GPHN: variants seen among roughly 807,000 people sequenced by gnomAD.
GPHN encodes gephyrin.
A neutral mutation model predicts 95.5 loss-of-function variants in GPHN; 17 were observed. The observed-to-expected ratio is 0.18, with a 90% CI of 0.12 to 0.27. The LOEUF is 0.27. Among genes scored for constraint, GPHN ranks in the 10% least tolerant of loss-of-function variants. The pLI is 1.00. For synonymous variants in GPHN, 320 were observed against 322.5 expected (o/e 0.99, Z 0.08); for missense variants, 660 against 978.1 (o/e 0.67, Z 4.34).
the GPHN span, among the ~76,000 whole-genome samples, chr14:67,402,222 G>A: frequency 2.0e-5 from 3 of 152,140 alleles, no homozygotes; most frequent in Non-Finnish European, 4.4e-5. Context: ...TTCCACTTAA[G>A]GAAGTTTCTG....
the GPHN span, chr14:67,198,141 T>G: frequency 1.3e-5 from 21 of 1,598,400 alleles, no homozygotes; most frequent in Admixed American, 1.1e-4. Flanking sequence ...CTCAGTTTTT[T>G]TATGTTTATG....
the GPHN span, among the ~76,000 whole-genome samples, chr14:67,696,886 T>C: frequency 2.0e-5 from 3 of 152,230 alleles, no homozygotes; most frequent in African/African-American, 4.8e-5. Flanking sequence ...TGAACTAATA[T>C]ATTTTATAGC....
chr14:67,302,860 A>G, the GPHN span, among the ~76,000 whole-genome samples: 1 of 152,200 alleles, frequency 6.6e-6, no homozygotes, highest in Non-Finnish European at 1.5e-5. Flanking sequence ...CCTAATATGC[A>G]CTAGCCACTT....
chr14:66,751,383 C>T (rs1384190060), intron 2 of GPHN, among the ~76,000 whole-genome samples: 1 of 151,970 alleles, frequency 6.6e-6, no homozygotes, highest in African/African-American at 2.4e-5. Context: ...AATAGCCATT[C>T]TGATGGCTAT....
chr14:67,135,224 T>C (rs1051794776), intron 17 of GPHN, among the ~76,000 whole-genome samples: 25 of 152,180 alleles, frequency 1.6e-4, no homozygotes, highest in African/African-American at 5.8e-4. Flanking sequence ...CCTCCCAAAG[T>C]GCTGGGATTA....
chr14:67,102,631 G>A (rs1052115629), intron 13 of GPHN, among the ~76,000 whole-genome samples: 4 of 152,024 alleles, frequency 2.6e-5, no homozygotes, highest in Non-Finnish European at 5.9e-5. Flanking sequence ...CTGCACTCCA[G>A]CCTGGGCAAC....
At chr14:67,351,852 C>T in the GPHN span, among the ~76,000 whole-genome samples, 1 of 143,114 alleles carries the variant, frequency 7.0e-6, no homozygotes, top group East Asian at 2.2e-4. Context: ...AAAGAAAAGG[C>T]GTGGAAAAAA....
the GPHN span, among the ~76,000 whole-genome samples, chr14:67,445,202 G>A: frequency 6.6e-6 from 1 of 152,150 alleles, no homozygotes; most frequent in East Asian, 1.9e-4. Context: ...GCAATTTCTT[G>A]AGTTGTCTTC....
At chr14:67,215,041 G>T in the GPHN span, among the ~76,000 whole-genome samples, 1 of 152,158 alleles carries the variant, frequency 6.6e-6, no homozygotes, top group Non-Finnish European at 1.5e-5. Flanking sequence ...TGCTGAAGTT[G>T]CTTGTCAGCT....
chr14:67,094,124 A>G (rs573270990), intron 12 of GPHN, among the ~76,000 whole-genome samples: 1 of 152,282 alleles, frequency 6.6e-6, no homozygotes, highest in East Asian at 1.9e-4. Context: ...AGAGACTTAA[A>G]GAAAGATCAC....
At chr14:66,529,806 T>C (rs6573683) in intron 1 of GPHN, among the ~76,000 whole-genome samples, 49,847 of 151,996 alleles carry the variant, frequency 0.33, 12,004 homozygotes, top group African/African-American at 0.65. Flanking sequence ...GGCTGCAGAA[T>C]GGTAAAGATT....
chr14:67,448,724 G>A, the GPHN span, among the ~76,000 whole-genome samples: 1 of 152,060 alleles, frequency 6.6e-6, no homozygotes, highest in Admixed American at 6.5e-5. Flanking sequence ...CACGCTCTCA[G>A]CATAGTATTT....
At chr14:67,015,180 T>C (rs1464147405) in intron 9 of GPHN, among the ~76,000 whole-genome samples, 1 of 152,180 alleles carries the variant, frequency 6.6e-6, no homozygotes, top group Non-Finnish European at 1.5e-5. Context: ...ACCAGCTATA[T>C]AACCTGACAC....
chr14:66,975,406 C>T (rs2070143261), intron 9 of GPHN, among the ~76,000 whole-genome samples: 1 of 152,132 alleles, frequency 6.6e-6, no homozygotes, highest in South Asian at 2.1e-4. Flanking sequence ...TTTATGTCTT[C>T]ATGAGTTTAA....
chr14:67,093,480 CA>C (rs1268562349), intron 12 of GPHN, among the ~76,000 whole-genome samples: 2 of 152,004 alleles, frequency 1.3e-5, no homozygotes, highest in African/African-American at 4.8e-5. Flanking sequence ...ATTCATTTGA[CA>C]GCCTATTTTG....
rs796211633 is a variant in GPHN at position 66,750,456 on chromosome 14, C to T, written c.144-26008C>T. On this transcript the variant is annotated intron_variant, in intron 2 of 22. Transcript: ENST00000478722. ...GGAAATAAGGAAAGGACCAGGACAC[C>T]AGTAGTAGCCATGGTCTTAAGGCTC... Among the ~76,000 whole-genome samples the T allele has an allele frequency of 5.9e-5, 9 of 151,944 alleles. 1 individual carries two copies. Among genetic ancestry groups the T allele is most frequent in the African/African-American group, 2.2e-4 (9 of 41,504 alleles).
chr14:67,439,076 C>G, the GPHN span, among the ~76,000 whole-genome samples: 2 of 152,110 alleles, frequency 1.3e-5, no homozygotes, highest in Non-Finnish European at 2.9e-5. Context: ...AGCCAGCACA[C>G]ACACAGACTT....
intron 1 of GPHN, among the ~76,000 whole-genome samples, chr14:66,607,394 G>GTT (rs557179197): frequency 6.7e-6 from 1 of 149,108 alleles, no homozygotes; most frequent in African/African-American, 2.5e-5. Flanking sequence ...GTATTTTTGT[G>GTT]TTTTTTTTTG....
intron 13 of GPHN, among the ~76,000 whole-genome samples, chr14:67,106,396 C>G (rs553474941): frequency 6.6e-6 from 1 of 152,150 alleles, no homozygotes; most frequent in East Asian, 1.9e-4. Flanking sequence ...GTTTCTTATG[C>G]CTTTTCCTTT....
Sources: gnomAD v4.1 joint callset for allele counts (sites outside exome capture counted in the v4.1 genomes callset) on GRCh38, gnomAD v4.1.1 for gene constraint, MANE v1.5 for transcripts, NCBI Gene and HGNC (gene_info 2026-07-23, HGNC 2026-07-21) for gene names.